ADCY2: variants seen among roughly 807,000 people sequenced by gnomAD.
ADCY2 encodes adenylate cyclase 2, also known as adenylate cyclase type 2.
Under a neutral mutation model 125.2 loss-of-function variants are expected in ADCY2, and 31 were observed. The ratio of observed to expected loss-of-function variants is 0.25; its 90% CI spans 0.19 to 0.33. The LOEUF (loss-of-function observed/expected upper bound fraction) is 0.33, where lower values mean the gene tolerates loss of function less well. ADCY2 is among the 10% of genes least tolerant of loss of function. The pLI is 1.00. For synonymous variants in ADCY2, 512 were observed against 548.4 expected (o/e 0.93, Z 0.93); for missense variants, 904 against 1,418.2 (o/e 0.64, Z 5.82).
chr5:7,426,931 T>C (rs1740408697), intron 2 of ADCY2, among the ~76,000 whole-genome samples: 1 of 152,172 alleles, frequency 6.6e-6, no homozygotes, highest in Non-Finnish European at 1.5e-5. Context: ...GCTAGGATGC[T>C]GTGTTAACAT....
At chr5:7,706,670 C>A in intron 7 of ADCY2, 74 bp from the exon 8 acceptor site, 1 of 1,534,296 alleles carries the variant, frequency 6.5e-7, no homozygotes. Flanking sequence ...TAATAAAATA[C>A]TGGGAAAATT....
chr5:7,743,624 G>A, intron 14 of ADCY2, 44 bp from the exon 15 acceptor site: 1 of 1,576,664 alleles, frequency 6.3e-7, no homozygotes, highest in East Asian at 2.2e-5. Flanking sequence ...CAGAATGAGA[G>A]AAACGATCTC....
intron 2 of ADCY2, among the ~76,000 whole-genome samples, chr5:7,432,006 C>A (rs1023939835): frequency 2.0e-5 from 3 of 151,954 alleles, no homozygotes; most frequent in Non-Finnish European, 4.4e-5. Context: ...ATCCTGTGCC[C>A]CTAAAAACCT....
chr5:7,827,821 A>G lies in ADCY2; in HGVS notation c.*950A>G. 1 of 152,384 alleles carries G rather than the reference A, an allele frequency of 6.6e-6. No individual in the cohort carries two copies. Among genetic ancestry groups the G allele is most frequent in the East Asian group, 1.9e-4 (1 of 5,328 alleles). The allele number at this position is 152,384 out of a possible 1,614,324, so 9.4% of individuals were successfully genotyped here. On this transcript the variant is annotated 3_prime_UTR_variant, in exon 25 of 25. Coordinates refer to ENST00000338316, the MANE Select transcript of ADCY2 (RefSeq NM_020546.3). ...CAGGGAAAAATACTTTAATAGTAAAAAGATTCTCTGCGAGCAACAGTGCCC... is the reference window on the plus strand; with the variant it reads ...CAGGGAAAAATACTTTAATAGTAAAGAGATTCTCTGCGAGCAACAGTGCCC...
At chr5:7,610,940 C>T (rs1025156688) in intron 3 of ADCY2, among the ~76,000 whole-genome samples, 1 of 152,214 alleles carries the variant, frequency 6.6e-6, no homozygotes, top group East Asian at 1.9e-4. Context: ...GTTCTACTCC[C>T]AAGTGATTCT....
chr5:7,405,696 A>C (rs999663539), intron 1 of ADCY2, among the ~76,000 whole-genome samples: 9 of 152,258 alleles, frequency 5.9e-5, no homozygotes, highest in Non-Finnish European at 1.2e-4. Flanking sequence ...AGCCAGACTC[A>C]GTGTAGGAGA....
intron 2 of ADCY2, among the ~76,000 whole-genome samples, chr5:7,484,407 G>A (rs1742849289): frequency 6.6e-6 from 1 of 152,174 alleles, no homozygotes; most frequent in African/African-American, 2.4e-5. Context: ...ATGAAATTGT[G>A]TGAGTGTGCC....
chr5:7,583,652 A>G (rs772756369), intron 3 of ADCY2, among the ~76,000 whole-genome samples: 5 of 152,114 alleles, frequency 3.3e-5, no homozygotes, highest in Admixed American at 3.3e-4. Flanking sequence ...TTGTACATTG[A>G]TGGTAGATGT....
intron 4 of ADCY2, among the ~76,000 whole-genome samples, chr5:7,682,975 A>G (rs1431290693): frequency 6.6e-6 from 1 of 152,234 alleles, no homozygotes; most frequent in Non-Finnish European, 1.5e-5. Context: ...AGAAATGCAC[A>G]TTAGTACAAA....
intron 2 of ADCY2, among the ~76,000 whole-genome samples, chr5:7,471,193 A>G (rs988800652): frequency 4.6e-5 from 7 of 151,838 alleles, no homozygotes; most frequent in Non-Finnish European, 8.9e-5. Flanking sequence ...CATGTTGGGT[A>G]TTACTTTCTT....
rs775371112 is a variant in ADCY2 at position 7,727,142 on chromosome 5, C to T, written c.1774-22C>T. The T allele has an allele frequency of 3.2e-6, 5 of 1,583,264 alleles. No homozygotes were observed. The Admixed American group carries it at 8.4e-5, about 27-fold the overall frequency. ...TCTTCTCTTGGAGAACTGTCACTCA[C>T]AGGTTCCTTTCTCCCCCTCAGTACC... On this transcript the variant is annotated intron_variant, in intron 13 of 24. Transcript: ENST00000338316.
chr5:7,582,883 G>A (rs1315860508), intron 3 of ADCY2, among the ~76,000 whole-genome samples: 1 of 151,964 alleles, frequency 6.6e-6, no homozygotes, highest in Admixed American at 6.6e-5. Context: ...AAAGAAAATG[G>A]CATAAAACAT....
chr5:7,608,649 G>A lies in ADCY2; in HGVS notation c.571-17518G>A, dbSNP rs560469387. On this transcript the variant is annotated intron_variant, in intron 3 of 24. Transcript: ENST00000338316. ...TTTTTCTATTAGACTCCCTCCTAAGGAAACTCTTTAGATATTTTTATTCCT... is the reference window on the plus strand; with the variant it reads ...TTTTTCTATTAGACTCCCTCCTAAGAAAACTCTTTAGATATTTTTATTCCT... Among the ~76,000 whole-genome samples the A allele has an allele frequency of 2.6e-4, 40 of 152,260 alleles. 1 individual carries two copies. In the South Asian group the frequency reaches 7.9e-3, roughly 30 times the overall value.
At chr5:7,815,742 A>C (rs1337597267) in intron 22 of ADCY2, among the ~76,000 whole-genome samples, 6 of 152,196 alleles carry the variant, frequency 3.9e-5, no homozygotes, top group Non-Finnish European at 7.3e-5. Context: ...TCAGCTCTGT[A>C]ATTCCCTCCT....
chr5:7,705,087 A>C (rs1741224970), intron 7 of ADCY2, among the ~76,000 whole-genome samples: 1 of 152,154 alleles, frequency 6.6e-6, no homozygotes, highest in African/African-American at 2.4e-5. Context: ...TGGTAAACAG[A>C]AACGCCACGT....
intron 2 of ADCY2, among the ~76,000 whole-genome samples, chr5:7,440,833 C>A (rs115366144): frequency 6.6e-6 from 1 of 152,206 alleles, no homozygotes; most frequent in African/African-American, 2.4e-5. Flanking sequence ...AGCAGTGTGG[C>A]CCAAGAGTTG....
chr5:7,542,258 A>G (rs138613192), intron 3 of ADCY2, among the ~76,000 whole-genome samples: 1 of 152,254 alleles, frequency 6.6e-6, no homozygotes, highest in African/African-American at 2.4e-5. Flanking sequence ...AAAATGTTAC[A>G]TGATTTATGT....
intron 18 of ADCY2, among the ~76,000 whole-genome samples, chr5:7,773,353 A>G (rs1417852528): frequency 2.0e-5 from 3 of 152,332 alleles, no homozygotes; most frequent in African/African-American, 4.8e-5. Flanking sequence ...TAACTGTACT[A>G]TGTTGACAAA....
At chr5:7,602,172 AG>A (rs1317892686) in intron 3 of ADCY2, among the ~76,000 whole-genome samples, 3 of 152,200 alleles carry the variant, frequency 2.0e-5, no homozygotes, top group Non-Finnish European at 4.4e-5. Context: ...ACATTTGCAA[AG>A]GTACAATTTT....
Sources: gnomAD v4.1 joint callset for allele counts (sites outside exome capture counted in the v4.1 genomes callset) on GRCh38, gnomAD v4.1.1 for gene constraint, MANE v1.5 for transcripts, NCBI Gene and HGNC (gene_info 2026-07-23, HGNC 2026-07-21) for gene names.